ABCB4: variants seen among roughly 807,000 people sequenced by gnomAD.
ABCB4 encodes ATP binding cassette subfamily B member 4, also known as phosphatidylcholine translocator ABCB4.
Under a neutral mutation model 145.7 loss-of-function variants are expected in ABCB4, and 76 were observed. The ratio of observed to expected loss-of-function variants is 0.52; its 90% CI spans 0.43 to 0.63. The LOEUF (loss-of-function observed/expected upper bound fraction) is 0.63, where lower values mean the gene tolerates loss of function less well. ABCB4 is among the 30% of genes least tolerant of loss of function. ABCB4 has a pLI of 0.00. For missense variants in ABCB4, 1,234 were observed against 1,553.1 expected, an observed-to-expected ratio of 0.79 and a Z score of 3.45; for synonymous variants, 517 against 566.8, an observed-to-expected ratio of 0.91 and a Z score of 1.25.
At chr7:87,427,376 A>G (rs574570170) in intron 15 of ABCB4, among the ~76,000 whole-genome samples, 9 of 152,248 alleles carry the variant, frequency 5.9e-5, no homozygotes, top group Non-Finnish European at 1.2e-4. Flanking sequence ...CGACTGGCTG[A>G]GTATGGTCAT....
rs1810910515 is a variant in ABCB4 at position 87,440,518 on chromosome 7, A to G, written c.1357-116T>C. On this transcript the variant is annotated intron_variant, in intron 12 of 27. Transcript: ENST00000649586. ...TAACTTGGTTCAGTGTTTAGAAATA[A>G]TAATTAGAAATAAACAGCAATATGC... is the stretch of plus-strand genomic sequence containing the variant. The G allele has an allele frequency of 5.4e-5, 46 of 849,420 alleles. No individual in the cohort carries two copies. In the South Asian group the frequency reaches 7.0e-4, roughly 13 times the overall value. The allele number at this position is 849,420 out of a possible 1,614,324, so 52.6% of individuals were successfully genotyped here. A position where few individuals can be genotyped will look rare whatever the true frequency, so the allele number is the denominator to read the frequency against.
the ABCB4 span, among the ~76,000 whole-genome samples, chr7:87,381,645 T>C: frequency 2.6e-5 from 4 of 152,234 alleles, no homozygotes; most frequent in African/African-American, 9.6e-5. Flanking sequence ...TTATATGTTA[T>C]TTTATACACC....
chr7:87,421,064 T>C (rs899036012), intron 18 of ABCB4, among the ~76,000 whole-genome samples: 1 of 152,194 alleles, frequency 6.6e-6, no homozygotes, highest in Non-Finnish European at 1.5e-5. Context: ...ATCAGGGTAC[T>C]CTTCCTTCCC....
intron 14 of ABCB4, among the ~76,000 whole-genome samples, chr7:87,438,937 T>C (rs1340154735): frequency 6.6e-6 from 1 of 152,216 alleles, no homozygotes; most frequent in Admixed American, 6.5e-5. Context: ...CTTAAGGAAC[T>C]TGCACATATT....
chr7:87,462,674 T>G (rs1812542220), intron 4 of ABCB4, 84 bp downstream of exon 4: 1 of 1,265,336 alleles, frequency 7.9e-7, no homozygotes, highest in South Asian at 1.2e-5. Flanking sequence ...AATAAGATGG[T>G]AATGAATAGC....
At chr7:87,439,917 C>T in intron 13 of ABCB4, 80 bp from the exon 14 acceptor site, 1 of 1,554,968 alleles carries the variant, frequency 6.4e-7, no homozygotes, top group Non-Finnish European at 8.9e-7. Flanking sequence ...TACATAAAGA[C>T]AACATGGAGC....
Position 87,431,482 on chromosome 7 carries a change from A to G in ABCB4, c.1815T>C (p.Asp605=). Residue 605 remains aspartate (D), a synonymous_variant, in exon 15 of 28, where the codon GAT becomes GAC. Transcript: ENST00000649586. Reference sequence around the variant, plus strand: ...GGCTTCCTTGCTCCACAATTACTCCATCCTCAAACCCAGCGATGACATCTG... The same window carrying G: ...GGCTTCCTTGCTCCACAATTACTCCGTCCTCAAACCCAGCGATGACATCTG... ...RNADVIAGFE[D]GVIVEQGSHS... The G allele has an allele frequency of 6.2e-7, 1 of 1,614,094 alleles. No homozygotes were observed. The highest frequency in any genetic ancestry group is 1.1e-5 in the South Asian group (1 of 91,082).
chr7:87,393,193 T>A, the ABCB4 span: 1 of 1,066,392 alleles, frequency 9.4e-7, no homozygotes, highest in Non-Finnish European at 1.3e-6. Context: ...TAAGTAACTA[T>A]TTTTTTCCAC....
chr7:87,400,835 T>C (rs1344381820), downstream of ABCB4, among the ~76,000 whole-genome samples: 2 of 152,238 alleles, frequency 1.3e-5, no homozygotes, highest in Non-Finnish European at 2.9e-5. Context: ...ATACTCAACC[T>C]ATAATGTGTA....
the ABCB4 span, among the ~76,000 whole-genome samples, chr7:87,379,133 C>T: frequency 6.6e-6 from 1 of 152,126 alleles, no homozygotes; most frequent in African/African-American, 2.4e-5. Flanking sequence ...TGGTTAACTG[C>T]CCCCTGGCTT....
chr7:87,452,811 T>G, intron 6 of ABCB4, 133 bp downstream of exon 6: 2 of 1,044,202 alleles, frequency 1.9e-6, no homozygotes, highest in South Asian at 2.8e-5. Context: ...TAGACATGGC[T>G]GCCAGATGAT....
At chr7:87,388,809 C>A in the ABCB4 span, among the ~76,000 whole-genome samples, 1 of 152,094 alleles carries the variant, frequency 6.6e-6, no homozygotes, top group Non-Finnish European at 1.5e-5. Flanking sequence ...TTCTGCACAG[C>A]AAATGAAACT....
At chr7:87,378,485 C>T in the ABCB4 span, among the ~76,000 whole-genome samples, 1 of 152,144 alleles carries the variant, frequency 6.6e-6, no homozygotes, top group Admixed American at 6.5e-5. Flanking sequence ...AAGCTGACTT[C>T]AATGTTCAAA....
the ABCB4 span, among the ~76,000 whole-genome samples, chr7:87,367,720 C>G: frequency 6.6e-6 from 1 of 152,196 alleles, no homozygotes; most frequent in African/African-American, 2.4e-5. Flanking sequence ...ATTATCCTCT[C>G]TCTCTGCTGC....
At chr7:87,403,375 G>T (rs1807947083) in intron 26 of ABCB4, 94 bp from the exon 27 acceptor site, 3 of 1,217,134 alleles carry the variant, frequency 2.5e-6, no homozygotes, top group Non-Finnish European at 3.6e-6. Flanking sequence ...GTCAATAACA[G>T]TTTCTATAAC....
At chr7:87,407,724 G>T (rs1172113532) in intron 25 of ABCB4, among the ~76,000 whole-genome samples, 1 of 152,186 alleles carries the variant, frequency 6.6e-6, no homozygotes. Flanking sequence ...ATTTGGGCAG[G>T]AGTCTGTAGT....
rs748824237 is a variant in ABCB4 at position 87,426,743 on chromosome 7, A to G, written c.2064+7T>C. 2 of 1,613,198 alleles carry G rather than the reference A, an allele frequency of 1.2e-6. No individual in the cohort carries two copies. The highest frequency in any genetic ancestry group is 2.7e-5 in the African/African-American group (2 of 74,916). On this transcript the variant is annotated splice_region_variant and intron_variant, in intron 16 of 27. Coordinates refer to ENST00000649586, the MANE Select transcript of ABCB4 (RefSeq NM_000443.4). ...AAAAGACTTAATTTAAGTGAAAAAC[A>G]ACTTACAAGTCCATCGGTTTCCACA...
At chr7:87,401,067 T>C (rs573006556), downstream of ABCB4, among the ~76,000 whole-genome samples, 53 of 152,346 alleles carry the variant, frequency 3.5e-4, no homozygotes, top group African/African-American at 1.2e-3. Flanking sequence ...TATACAGGAA[T>C]AGGTCAAACA....
intron 8 of ABCB4, 63 bp from the exon 9 acceptor site, chr7:87,447,268 A>G: frequency 6.6e-7 from 1 of 1,525,406 alleles, no homozygotes; most frequent in Non-Finnish European, 9.0e-7. Context: ...TCCGAGTCAC[A>G]CTCGGCTCCT....
Sources: gnomAD v4.1 joint callset for allele counts (sites outside exome capture counted in the v4.1 genomes callset) on GRCh38, gnomAD v4.1.1 for gene constraint, MANE v1.5 for transcripts, NCBI Gene and HGNC (gene_info 2026-07-23, HGNC 2026-07-21) for gene names.